EPHB1: variants seen among roughly 807,000 people sequenced by gnomAD.
The protein encoded by EPHB1 is EPH receptor B1, also known as ephrin type-B receptor 1.
EPHB1 carries 30 observed loss-of-function variants against 94.4 expected under a neutral mutation model. The ratio of observed to expected loss-of-function variants is 0.32; its 90% CI spans 0.24 to 0.43. The LOEUF (loss-of-function observed/expected upper bound fraction) is 0.43. EPHB1 is among the 20% of genes least tolerant of loss of function. EPHB1 has a pLI of 1.00. For missense variants in EPHB1, 1,055 were observed against 1,308.3 expected (o/e 0.81, Z 2.99); for synonymous variants, 522 against 489.1 (o/e 1.07, Z -0.89).
intron 1 of EPHB1, among the ~76,000 whole-genome samples, chr3:134,851,644 G>T (rs2108299761): frequency 6.6e-6 from 1 of 152,352 alleles, no homozygotes; most frequent in African/African-American, 2.4e-5. Context: ...TGCCTTGGGT[G>T]CCCTGACCTG....
At chr3:134,876,358 G>A (rs2037616110) in intron 1 of EPHB1, among the ~76,000 whole-genome samples, 1 of 152,208 alleles carries the variant, frequency 6.6e-6, no homozygotes, top group African/African-American at 2.4e-5. Flanking sequence ...AGCCTCTGTA[G>A]AGTTGCAAGT....
chr3:134,934,429 C>T (rs888121513), intron 2 of EPHB1, among the ~76,000 whole-genome samples: 2 of 152,016 alleles, frequency 1.3e-5, no homozygotes, highest in Middle Eastern at 3.2e-3. Context: ...ACTCCAGGGC[C>T]GTGCGTGGGT....
intron 4 of EPHB1, among the ~76,000 whole-genome samples, chr3:135,128,668 TTC>T (rs1940303125): frequency 1.3e-5 from 2 of 152,380 alleles, no homozygotes; most frequent in Admixed American, 6.5e-5. Flanking sequence ...TTTCATTTAT[TTC>T]TCTGTTTCCT....
At chr3:135,059,021 C>G (rs1441711882) in intron 3 of EPHB1, among the ~76,000 whole-genome samples, 2 of 152,226 alleles carry the variant, frequency 1.3e-5, no homozygotes, top group Non-Finnish European at 2.9e-5. Flanking sequence ...AAACTACTCA[C>G]TCAAGCTTGT....
At chr3:135,001,666 C>T (rs1449973717) in intron 3 of EPHB1, among the ~76,000 whole-genome samples, 4 of 152,174 alleles carry the variant, frequency 2.6e-5, no homozygotes, top group East Asian at 1.9e-4. Flanking sequence ...GCCTAGGTGT[C>T]GGGCATGCAC....
intron 3 of EPHB1, among the ~76,000 whole-genome samples, chr3:135,094,426 T>C (rs1938678449): frequency 6.6e-6 from 1 of 152,160 alleles, no homozygotes; most frequent in South Asian, 2.1e-4. Context: ...TGGGGGCAGA[T>C]CGACATGTTT....
At chr3:134,882,753 T>TCTTCCTTC (rs144731148) in intron 1 of EPHB1, among the ~76,000 whole-genome samples, 2 of 63,290 alleles carry the variant, frequency 3.2e-5, no homozygotes, top group African/African-American at 1.3e-4. Context: ...TTTCTTCCTT[T>TCTTCCTTC]CTTCCTTCCT....
At chr3:134,861,875 A>G (rs1298880650) in intron 1 of EPHB1, among the ~76,000 whole-genome samples, 1 of 152,128 alleles carries the variant, frequency 6.6e-6, no homozygotes, top group African/African-American at 2.4e-5. Context: ...GGAACTTAGA[A>G]TAAAATAAAA....
At chr3:134,867,126 C>A (rs2037396936) in intron 1 of EPHB1, among the ~76,000 whole-genome samples, 1 of 152,150 alleles carries the variant, frequency 6.6e-6, no homozygotes, top group Non-Finnish European at 1.5e-5. Context: ...TGAGAAGCTT[C>A]TTTTTATACT....
chr3:134,878,897 C>G (rs145261209), intron 1 of EPHB1, among the ~76,000 whole-genome samples: 1 of 152,170 alleles, frequency 6.6e-6, no homozygotes, highest in Non-Finnish European at 1.5e-5. Flanking sequence ...AAATAACACT[C>G]GCTCTTACTA....
At position 134,917,524 on chromosome 3, in the gene EPHB1, A is replaced by G. The variant is rs141291791; in HGVS notation, c.59-8292A>G. ...CAGACATCTTTCTATGCTGTGACCC[A>G]TCTAAGCTGCGTCTTCTTTCTAGTT... On this transcript the variant is annotated intron_variant, in intron 1 of 15. Coordinates refer to ENST00000398015, the MANE Select transcript of EPHB1 (RefSeq NM_004441.5). 1.1e-3 allele frequency among the ~76,000 whole-genome samples: 175 copies of G among 152,312 alleles called. 3 individuals are homozygous for G. In the East Asian group the frequency reaches 0.03, roughly 27 times the overall value.
At chr3:135,194,668 A>G (rs1332747593) in intron 11 of EPHB1, among the ~76,000 whole-genome samples, 1 of 152,190 alleles carries the variant, frequency 6.6e-6, no homozygotes, top group Non-Finnish European at 1.5e-5. Flanking sequence ...CAACAGGAAC[A>G]TGCTTTTTGC....
intron 15 of EPHB1, among the ~76,000 whole-genome samples, chr3:135,250,409 C>CAGTT (rs1933020432): frequency 6.6e-6 from 1 of 152,126 alleles, no homozygotes; most frequent in African/African-American, 2.4e-5. Flanking sequence ...TTCTGGCTGC[C>CAGTT]AGTTCAATAT....
At chr3:135,183,005 C>CTT (rs200710144) in intron 10 of EPHB1, among the ~76,000 whole-genome samples, 104 of 62,942 alleles carry the variant, frequency 1.7e-3, no homozygotes, top group Admixed American at 0.016. Flanking sequence ...CTTTTCTTTT[C>CTT]TTTTCTTTTC....
intron 1 of EPHB1, among the ~76,000 whole-genome samples, chr3:134,921,816 C>T (rs953406640): frequency 1.3e-5 from 2 of 152,178 alleles, no homozygotes; most frequent in Non-Finnish European, 2.9e-5. Context: ...CATAATCCTG[C>T]CTACTAGTTA....
chr3:134,828,905 G>T (rs189332317), intron 1 of EPHB1, among the ~76,000 whole-genome samples: 1 of 152,314 alleles, frequency 6.6e-6, no homozygotes, highest in African/African-American at 2.4e-5. Flanking sequence ...TCCCGTCCCT[G>T]GACGTGATAA....
intron 4 of EPHB1, among the ~76,000 whole-genome samples, chr3:135,124,771 T>C (rs1162898539): frequency 6.6e-6 from 1 of 151,658 alleles, no homozygotes; most frequent in Admixed American, 6.6e-5. Context: ...AAGGTTGTGC[T>C]CACATGGCTG....
At chr3:134,876,741 C>A (rs1312559729) in intron 1 of EPHB1, among the ~76,000 whole-genome samples, 2 of 152,084 alleles carry the variant, frequency 1.3e-5, no homozygotes, top group African/African-American at 4.8e-5. Context: ...AGGGTATGAG[C>A]CTCACTGAGT....
At chr3:134,916,627 G>A (rs1234810650) in intron 1 of EPHB1, among the ~76,000 whole-genome samples, 1 of 152,228 alleles carries the variant, frequency 6.6e-6, no homozygotes, top group African/African-American at 2.4e-5. Flanking sequence ...ACTGCCCGGG[G>A]CTGGCGCGGC....
Sources: gnomAD v4.1 joint callset for allele counts (sites outside exome capture counted in the v4.1 genomes callset) on GRCh38, gnomAD v4.1.1 for gene constraint, MANE v1.5 for transcripts, NCBI Gene and HGNC (gene_info 2026-07-23, HGNC 2026-07-21) for gene names.